Variants in MSI2 observed in about 807,000 individuals in gnomAD.
MSI2 encodes musashi RNA binding protein 2, also known as RNA-binding protein Musashi homolog 2.
MSI2 carries 17 observed loss-of-function variants against 45.6 expected under a neutral mutation model. The ratio of observed to expected loss-of-function variants is 0.37; its 90% CI spans 0.26 to 0.56. The LOEUF (loss-of-function observed/expected upper bound fraction) is 0.56. Among genes scored for constraint, MSI2 ranks in the 20% least tolerant of loss-of-function variants. The probability of loss-of-function intolerance (pLI) is 0.77; values close to 1 mark genes in which losing one functional copy is unlikely to be tolerated. For missense variants in MSI2, 293 were observed against 444.2 expected (o/e 0.66, Z 3.06); for synonymous variants, 156 against 158.2 (o/e 0.99, Z 0.11).
intron 6 of MSI2, among the ~76,000 whole-genome samples, chr17:57,455,365 G>T (rs1208214400): frequency 6.6e-6 from 1 of 152,144 alleles, no homozygotes; most frequent in African/African-American, 2.4e-5. Context: ...GAAATGGGGG[G>T]TTTGAAGCCA....
chr17:57,429,284 G>A (rs1226963947), intron 6 of MSI2, among the ~76,000 whole-genome samples: 1 of 152,136 alleles, frequency 6.6e-6, no homozygotes, highest in African/African-American at 2.4e-5. Context: ...GGTTGGCCCC[G>A]GTTTTGGAAA....
chr17:57,602,318 AC>A (rs1407375639), intron 8 of MSI2, among the ~76,000 whole-genome samples: 2 of 151,778 alleles, frequency 1.3e-5, no homozygotes, highest in Non-Finnish European at 2.9e-5. Context: ...AAGATTGGAC[AC>A]CCCTGCTTTC....
chr17:57,353,371 C>T (rs1410815961), intron 5 of MSI2, among the ~76,000 whole-genome samples: 1 of 152,050 alleles, frequency 6.6e-6, no homozygotes, highest in Non-Finnish European at 1.5e-5. Flanking sequence ...TTGATTGATT[C>T]GATGTGATTC....
chr17:57,607,895 G>A (rs1044656323), intron 8 of MSI2, among the ~76,000 whole-genome samples: 24 of 152,104 alleles, frequency 1.6e-4, no homozygotes, highest in African/African-American at 4.1e-4. Context: ...AAGCAACTCC[G>A]AGTAAGAGCT....
In MSI2 at chr17:57,679,685, G is replaced by A. The variant is rs567736045; in HGVS notation, c.*168G>A. 4.9e-5 allele frequency: 41 copies of A among 830,070 alleles called. No individual in the cohort carries two copies. The highest frequency in any genetic ancestry group is 6.0e-5 in the Non-Finnish European group (40 of 664,062). The allele number at this position is 830,070 out of a possible 1,614,324, so 51.4% of individuals were successfully genotyped here. On this transcript the variant is annotated 3_prime_UTR_variant, in exon 14 of 14. Transcript: ENST00000284073. ...GATGGCTCACTTCGGATCGAGGGTTGACTACATCTCATCATCTCACGAATC... is the reference window on the plus strand; with the variant it reads ...GATGGCTCACTTCGGATCGAGGGTTAACTACATCTCATCATCTCACGAATC...
At chr17:57,677,098 G>A in intron 13 of MSI2, 39 bp downstream of exon 13, 2 of 1,421,948 alleles carry the variant, frequency 1.4e-6, no homozygotes, top group Admixed American at 1.7e-5. Context: ...CCCTGCCGGT[G>A]TGTCCGTACA....
At chr17:57,507,662 C>T (rs973719037) in intron 6 of MSI2, among the ~76,000 whole-genome samples, 2 of 152,064 alleles carry the variant, frequency 1.3e-5, no homozygotes, top group Admixed American at 1.3e-4. Flanking sequence ...CCCCCTGACC[C>T]CCGCCTCACC....
chr17:57,308,886 C>T (rs545142177), intron 5 of MSI2, among the ~76,000 whole-genome samples: 3 of 152,206 alleles, frequency 2.0e-5, no homozygotes, highest in East Asian at 3.9e-4. Flanking sequence ...ATGCCACAGG[C>T]GAGGGTACAG....
At chr17:57,507,101 C>T (rs2143911195) in intron 6 of MSI2, among the ~76,000 whole-genome samples, 1 of 151,946 alleles carries the variant, frequency 6.6e-6, no homozygotes, top group African/African-American at 2.4e-5. Flanking sequence ...TATTTCCCTC[C>T]CTTTTATTTT....
At position 57,274,652 on chromosome 17, in the gene MSI2, C is replaced by G. The variant is rs555087800; in HGVS notation, c.312+12460C>G. Among the ~76,000 whole-genome samples the G allele has an allele frequency of 3.9e-5, 6 of 152,252 alleles. No individual in the cohort carries two copies. In the South Asian group the frequency reaches 1.2e-3, roughly 32 times the overall value. On this transcript the variant is annotated intron_variant, in intron 5 of 13. Coordinates refer to ENST00000284073, the MANE Select transcript of MSI2 (RefSeq NM_138962.4). ...TTCCTTAAGTAATGTTTGAGAAATACAAAAGAAGACACACACACGTGGTTG... is the reference window on the plus strand; with the variant it reads ...TTCCTTAAGTAATGTTTGAGAAATAGAAAAGAAGACACACACACGTGGTTG...
intron 5 of MSI2, among the ~76,000 whole-genome samples, chr17:57,390,075 CAAAAAAA>C (rs55932533): frequency 7.2e-6 from 1 of 139,328 alleles, no homozygotes; most frequent in Non-Finnish European, 1.5e-5. Flanking sequence ...CTGTCTTTAC[CAAAAAAA>C]AAAAAAAAGA....
At chr17:57,638,036 G>C (rs1567952901) in intron 10 of MSI2, among the ~76,000 whole-genome samples, 1 of 152,186 alleles carries the variant, frequency 6.6e-6, no homozygotes, top group African/African-American at 2.4e-5. Context: ...CACGTGAAAG[G>C]CTGCAACTTA....
At chr17:57,258,596 G>A (rs1943732149) in intron 4 of MSI2, among the ~76,000 whole-genome samples, 1 of 152,200 alleles carries the variant, frequency 6.6e-6, no homozygotes. Context: ...AGAGGGTTCG[G>A]CTCCTGGAGA....
intron 6 of MSI2, among the ~76,000 whole-genome samples, chr17:57,404,594 T>G (rs896659878): frequency 3.9e-5 from 6 of 152,158 alleles, no homozygotes; most frequent in African/African-American, 1.4e-4. Flanking sequence ...ACAGCTTCCA[T>G]GCAAGGTGTA....
At chr17:57,563,766 A>G (rs943823553) in intron 7 of MSI2, among the ~76,000 whole-genome samples, 1 of 150,976 alleles carries the variant, frequency 6.6e-6, no homozygotes, top group Non-Finnish European at 1.5e-5. Context: ...ACACACACAC[A>G]CACACACACA....
Position 57,308,754 on chromosome 17 carries a change from C to T in MSI2, c.312+46562C>T, listed in dbSNP as rs184105512. Among the ~76,000 whole-genome samples the T allele has an allele frequency of 1.5e-3, 231 of 152,326 alleles. 1 individual carries two copies. The highest frequency in any genetic ancestry group is 5.4e-3 in the African/African-American group (225 of 41,566). ...CTGCCACTCCATCCCTGAGAGTCTT[C>T]TCAGAGACTGGCTCTTGAGAAGGTA... On this transcript the variant is annotated intron_variant, in intron 5 of 13. Transcript: ENST00000284073.
At chr17:57,614,021 A>T (rs1252920679) in intron 8 of MSI2, among the ~76,000 whole-genome samples, 1 of 152,116 alleles carries the variant, frequency 6.6e-6, no homozygotes, top group African/African-American at 2.4e-5. Flanking sequence ...TGGATAACCC[A>T]TAGAGGTTCC....
At chr17:57,567,656 C>T (rs141644217) in intron 7 of MSI2, among the ~76,000 whole-genome samples, 181 of 152,368 alleles carry the variant, frequency 1.2e-3, no homozygotes, top group South Asian at 3.7e-3. Flanking sequence ...ACCCCAAAGA[C>T]GGCAGAGTGG....
intron 5 of MSI2, among the ~76,000 whole-genome samples, chr17:57,388,531 G>A (rs1051165638): frequency 2.0e-5 from 3 of 152,232 alleles, no homozygotes; most frequent in Non-Finnish European, 4.4e-5. Context: ...TAGCCCGCAT[G>A]CGGGTTGCTT....
Sources: gnomAD v4.1 joint callset for allele counts (sites outside exome capture counted in the v4.1 genomes callset) on GRCh38, gnomAD v4.1.1 for gene constraint, MANE v1.5 for transcripts, NCBI Gene and HGNC (gene_info 2026-07-23, HGNC 2026-07-21) for gene names.